The following PLEKHH1 variants were observed in gnomAD, a reference collection of about 807,000 sequenced individuals.
The protein encoded by PLEKHH1 is pleckstrin homology domain-containing family H member 1.
In PLEKHH1, 104 loss-of-function variants were observed where a neutral mutation model predicts 160.0. The observed-to-expected ratio is 0.65, with a 90% CI of 0.55 to 0.76. The LOEUF (loss-of-function observed/expected upper bound fraction) is 0.76. PLEKHH1 is among the 30% of genes least tolerant of loss of function. The pLI is 0.00. For synonymous variants in PLEKHH1, 619 were observed against 678.4 expected, an observed-to-expected ratio of 0.91 and a Z score of 1.36; for missense variants, 1,427 against 1,724.1, an observed-to-expected ratio of 0.83 and a Z score of 3.05.
chr14:67,555,058 G>A (rs1028545378), intron 2 of PLEKHH1, among the ~76,000 whole-genome samples: 4 of 151,974 alleles, frequency 2.6e-5, no homozygotes, highest in African/African-American at 7.3e-5. Flanking sequence ...GACTACAGGC[G>A]CACACCGCCA....
chr14:67,569,761 G>A, intron 8 of PLEKHH1, 160 bp from the exon 9 acceptor site: 1 of 628,714 alleles, frequency 1.6e-6, no homozygotes, highest in East Asian at 2.7e-5. Flanking sequence ...GTCCCCAAAG[G>A]GAGTCAAGGG....
At chr14:67,584,148 C>T (rs761433116) in intron 26 of PLEKHH1, 24 bp downstream of exon 26, 2 of 1,609,484 alleles carry the variant, frequency 1.2e-6, no homozygotes, top group South Asian at 1.1e-5. Context: ...GAAGGAGCTG[C>T]CCACACCCTT....
At chr14:67,579,695 G>A in intron 21 of PLEKHH1, 26 bp from the exon 22 acceptor site, 3 of 1,608,018 alleles carry the variant, frequency 1.9e-6, no homozygotes, top group Non-Finnish European at 2.5e-6. Flanking sequence ...GGTTCACTCA[G>A]GGTTGGAACT....
chr14:67,574,498 C>T lies in PLEKHH1; in HGVS notation c.2088+95C>T, dbSNP rs575875021. ...CGAGGGTGGTGGGTTCCCCCTTATA[C>T]GGGGCTCCTTTCTCTGGGAGCCTCC... On this transcript the variant is annotated intron_variant, in intron 14 of 28. Coordinates refer to ENST00000329153, the MANE Select transcript of PLEKHH1 (RefSeq NM_020715.3). This position sits in a 1 kb window ranked among gnomAD's most constrained non-coding sequence, Gnocchi z 4.2. 200 of 1,015,376 alleles carry T rather than the reference C, an allele frequency of 2.0e-4. 1 individual carries two copies. The highest frequency in any genetic ancestry group is 1.4e-3 in the South Asian group (62 of 45,096). The allele number at this position is 1,015,376 out of a possible 1,614,324, so 62.9% of individuals were successfully genotyped here.
At chr14:67,546,096 G>A (rs2034166327) in intron 2 of PLEKHH1, among the ~76,000 whole-genome samples, 1 of 152,186 alleles carries the variant, frequency 6.6e-6, no homozygotes, top group Admixed American at 6.5e-5. Context: ...GAGGGGACAT[G>A]TTGAAGCCAC....
chr14:67,577,530 T>C, intron 18 of PLEKHH1, 116 bp downstream of exon 18: 2 of 684,642 alleles, frequency 2.9e-6, no homozygotes, highest in Non-Finnish European at 5.1e-6. Flanking sequence ...GGAAGGAAAC[T>C]TCCCAGGGTC....
At chr14:67,586,956 A>G (rs2140577762) in intron 28 of PLEKHH1, 118 bp from the exon 29 acceptor site, 1 of 1,541,960 alleles carries the variant, frequency 6.5e-7, no homozygotes, top group Non-Finnish European at 8.7e-7. Flanking sequence ...CCAGGTGGGT[A>G]TTTTAAGAGA....
intron 8 of PLEKHH1, chr14:67,569,660 A>G (rs1198098866): frequency 1.9e-6 from 1 of 530,136 alleles, no homozygotes; most frequent in African/African-American, 1.9e-5. Flanking sequence ...GCAACAGTGG[A>G]ACACTGTGCA....
At chr14:67,546,133 G>A (rs938750891) in intron 2 of PLEKHH1, among the ~76,000 whole-genome samples, 1 of 152,106 alleles carries the variant, frequency 6.6e-6, no homozygotes, top group Non-Finnish European at 1.5e-5. Flanking sequence ...ATGTAACCCA[G>A]GTATTTTTAC....
Position 67,579,606 on chromosome 14 carries a change from G to A in PLEKHH1, c.3028-115G>A, listed in dbSNP as rs932221524. ...TGAACACAGAAACCAACTTGCTTTG[G>A]CCTTTTGTATTTGCCCTTGCTCCTT... On this transcript the variant is annotated intron_variant, in intron 21 of 28. Transcript: ENST00000329153. 10 of 1,027,406 alleles carry A rather than the reference G, an allele frequency of 9.7e-6. No homozygotes were observed. The African/African-American group carries it at 1.6e-4, about 17-fold the overall frequency. The allele number at this position is 1,027,406 out of a possible 1,614,324, so 63.6% of individuals were successfully genotyped here.
chr14:67,584,614 C>T (rs1419068806), intron 26 of PLEKHH1, among the ~76,000 whole-genome samples: 1 of 152,170 alleles, frequency 6.6e-6, no homozygotes, highest in African/African-American at 2.4e-5. Flanking sequence ...AATTACAGCT[C>T]AAAGCTGGGC....
At chr14:67,562,977 A>C (rs762903133) in intron 7 of PLEKHH1, 83 bp downstream of exon 7, 12 of 1,395,974 alleles carry the variant, frequency 8.6e-6, no homozygotes, top group Non-Finnish European at 1.2e-5. Flanking sequence ...TGCACTGAGC[A>C]GGAGAGGAGG....
At chr14:67,579,923 T>G (rs769552125) in intron 22 of PLEKHH1, 47 bp downstream of exon 22, 1 of 1,529,282 alleles carries the variant, frequency 6.5e-7, no homozygotes, top group Non-Finnish European at 8.9e-7. Flanking sequence ...TGCTCAGGGA[T>G]ATTGGTGGTG....
At position 67,574,780 on chromosome 14, in the gene PLEKHH1, G is replaced by C. The variant is rs1035197944; in HGVS notation, c.2088+377G>C. ...TCCTCAAAGACTTAAAGTATCCCAG[G>C]CCTGCCCTAAAGACATTTTTGTTAG... On this transcript the variant is annotated intron_variant, in intron 14 of 28. Transcript: ENST00000329153. This position sits in a 1 kb window ranked among gnomAD's most constrained non-coding sequence, Gnocchi z 4.2. Among the ~76,000 whole-genome samples the C allele has an allele frequency of 3.3e-5, 5 of 152,106 alleles. No homozygotes were observed. The highest frequency in any genetic ancestry group is 1.2e-4 in the African/African-American group (5 of 41,422).
intron 15 of PLEKHH1, 84 bp downstream of exon 15, chr14:67,575,556 C>A: frequency 1.1e-6 from 1 of 876,528 alleles, no homozygotes; most frequent in Non-Finnish European, 1.9e-6. Context: ...ATGAAAGTCC[C>A]TACCCCACGT....
chr14:67,538,650 G>A (rs2033841154), intron 1 of PLEKHH1, among the ~76,000 whole-genome samples: 1 of 152,092 alleles, frequency 6.6e-6, no homozygotes, highest in South Asian at 2.1e-4. Flanking sequence ...TTGGCAGCAG[G>A]CACCCTGCTC....
chr14:67,550,586 C>T (rs1389560092), intron 2 of PLEKHH1, among the ~76,000 whole-genome samples: 1 of 152,142 alleles, frequency 6.6e-6, no homozygotes. Flanking sequence ...ATAGATGAGA[C>T]AATGAAGAGA....
At chr14:67,570,036 G>C (rs45457800) in intron 9 of PLEKHH1, 24 bp downstream of exon 9, 14 of 1,468,246 alleles carry the variant, frequency 9.5e-6, no homozygotes, top group South Asian at 4.7e-5. Flanking sequence ...GCACAAAGAG[G>C]GGGTGTCTCA....
Position 67,575,409 on chromosome 14 carries a change from C to T in PLEKHH1, c.2106C>T (p.Ser702=). ...GWLTKVKHGH[S]KVVWCALVGK... Reference sequence around the variant, plus strand: ...TCTTACAGGTAAAGCATGGCCACTCCAAGGTGGTCTGGTGCGCTCTTGTTG... The same window carrying T: ...TCTTACAGGTAAAGCATGGCCACTCTAAGGTGGTCTGGTGCGCTCTTGTTG... The change falls in exon 15 of 29, where the codon TCC becomes TCT. Residue 702 remains serine, a synonymous_variant. Transcript: ENST00000329153. 6.2e-7 allele frequency: 1 copy of T among 1,608,114 alleles called. No homozygotes were observed. The highest frequency in any genetic ancestry group is 1.3e-5 in the African/African-American group (1 of 74,966).
Sources: allele counts gnomAD v4.1 joint callset (sites outside exome capture counted in the v4.1 genomes callset), GRCh38; gene constraint gnomAD v4.1.1; non-coding constraint Gnocchi (gnomAD v3.1); transcripts MANE v1.5; gene names NCBI Gene and HGNC (gene_info 2026-07-23, HGNC 2026-07-21).